NFATC3: variants seen among roughly 807,000 people sequenced by gnomAD.
NFATC3 encodes nuclear factor of activated T-cells, cytoplasmic 3.
A neutral mutation model predicts 98.6 loss-of-function variants in NFATC3; 46 were observed. The observed-to-expected ratio is 0.47, with a 90% CI of 0.37 to 0.60. The LOEUF is 0.60. NFATC3 is among the 20% of genes least tolerant of loss of function. The pLI is 0.00. For missense variants in NFATC3, 1,256 were observed against 1,295.5 expected (o/e 0.97, Z 0.47); for synonymous variants, 512 against 472.2 (o/e 1.08, Z -1.09).
chr16:68,152,956 A>G (rs1449464388), intron 3 of NFATC3, among the ~76,000 whole-genome samples: 1 of 152,198 alleles, frequency 6.6e-6, no homozygotes, highest in Non-Finnish European at 1.5e-5. Flanking sequence ...TTAAAACTCA[A>G]TAGTGTTTCA....
chr16:68,206,492 C>G (rs2041149785), intron 9 of NFATC3, among the ~76,000 whole-genome samples: 1 of 152,150 alleles, frequency 6.6e-6, no homozygotes, highest in African/African-American at 2.4e-5. Context: ...TGGGATTACA[C>G]AATGTTTTTC....
intron 3 of NFATC3, among the ~76,000 whole-genome samples, chr16:68,146,039 T>G (rs1176761502): frequency 2.0e-5 from 3 of 151,964 alleles, no homozygotes; most frequent in Admixed American, 1.3e-4. Context: ...GTGTCTTAGA[T>G]TTTGGATTTT....
At chr16:68,187,712 T>G (rs1479404339) in intron 8 of NFATC3, among the ~76,000 whole-genome samples, 2 of 152,130 alleles carry the variant, frequency 1.3e-5, no homozygotes, top group East Asian at 3.9e-4. Context: ...TTTTCTCTTT[T>G]TGAGTATGGA....
intron 1 of NFATC3, among the ~76,000 whole-genome samples, chr16:68,111,237 C>G (rs1418490142): frequency 6.6e-6 from 1 of 152,078 alleles, no homozygotes; most frequent in African/African-American, 2.4e-5. Context: ...AAGTCTCCCA[C>G]TATTGTTGTG....
intron 4 of NFATC3, 81 bp downstream of exon 4, chr16:68,158,149 A>G: frequency 1.2e-6 from 1 of 831,398 alleles, no homozygotes; most frequent in Non-Finnish European, 1.8e-6. Flanking sequence ...TTTTGAATAT[A>G]AATATAAAAT....
At chr16:68,126,666 C>G in intron 3 of NFATC3, 56 bp downstream of exon 3, 1 of 1,566,434 alleles carries the variant, frequency 6.4e-7, no homozygotes, top group Admixed American at 1.7e-5. Flanking sequence ...GATGATTAGA[C>G]AAGTCTATTC....
chr16:68,112,781 CCCGA>C (rs1332155288), intron 1 of NFATC3, among the ~76,000 whole-genome samples: 1 of 151,090 alleles, frequency 6.6e-6, no homozygotes, highest in Non-Finnish European at 1.5e-5. Flanking sequence ...GCCTCAGCCT[CCCGA>C]CATTTTTTTT....
At chr16:68,140,209 C>T (rs1017940265) in intron 3 of NFATC3, among the ~76,000 whole-genome samples, 9 of 151,980 alleles carry the variant, frequency 5.9e-5, no homozygotes, top group Non-Finnish European at 1.0e-4. Flanking sequence ...CATGGTGGTC[C>T]GGCTGGTCTC....
intron 7 of NFATC3, among the ~76,000 whole-genome samples, chr16:68,181,863 G>C (rs913801711): frequency 1.3e-5 from 2 of 152,180 alleles, no homozygotes; most frequent in Admixed American, 6.5e-5. Context: ...GGAGGTCAAG[G>C]CTGCAGTGAG....
intron 1 of NFATC3, among the ~76,000 whole-genome samples, chr16:68,105,382 C>G (rs998625874): frequency 1.3e-5 from 2 of 151,992 alleles, no homozygotes; most frequent in African/African-American, 4.8e-5. Flanking sequence ...ACACCCGGCC[C>G]CTGATTGTGT....
chr16:68,106,377 C>A (rs541928975), intron 1 of NFATC3, among the ~76,000 whole-genome samples: 1 of 151,824 alleles, frequency 6.6e-6, no homozygotes, highest in South Asian at 2.1e-4. Context: ...ACTGCACCTC[C>A]ACCTCCTGGG....
chr16:68,135,957 G>A (rs1004906211), intron 3 of NFATC3, among the ~76,000 whole-genome samples: 2 of 151,984 alleles, frequency 1.3e-5, no homozygotes, highest in African/African-American at 4.8e-5. Context: ...CAGCTACTCA[G>A]GAGGCTAAGG....
At chr16:68,086,659 T>C (rs1472180260) in intron 1 of NFATC3, 1 of 985,310 alleles carries the variant, frequency 1.0e-6, no homozygotes, top group African/African-American at 1.7e-5. Context: ...AAAAAGGAAA[T>C]GGATAAGAGT....
At chr16:68,138,837 CA>C in intron 3 of NFATC3, 1 of 1,189,782 alleles carries the variant, frequency 8.4e-7, no homozygotes, top group South Asian at 1.5e-5. Context: ...AGGAATAAAT[CA>C]TGGCTAAGTC....
rs376813605 is a variant in NFATC3, at chr16:68,203,857, C to T, written c.3106+12082C>T. On this transcript the variant is annotated intron_variant, in intron 9 of 9. Coordinates refer to ENST00000346183, the MANE Select transcript of NFATC3 (RefSeq NM_173165.3). ...TTTGACATCAGGAGTTCAAGACCAG[C>T]TTAACCAACATGGTGAAACTTCGTC... Among the ~76,000 whole-genome samples the T allele has an allele frequency of 1.7e-3, 255 of 152,126 alleles. 9 individuals carry two copies. In the South Asian group the frequency reaches 0.051, roughly 30 times the overall value.
intron 9 of NFATC3, among the ~76,000 whole-genome samples, chr16:68,196,860 G>A (rs181725966): frequency 4.6e-5 from 7 of 151,804 alleles, no homozygotes; most frequent in South Asian, 2.1e-4. Flanking sequence ...GAGAAACCCC[G>A]TCTCTACCAA....
Position 68,197,025 on chromosome 16 carries a change from C to T in NFATC3, c.3106+5250C>T, listed in dbSNP as rs1567545312. On this transcript the variant is annotated intron_variant, in intron 9 of 9. Coordinates refer to ENST00000346183, the MANE Select transcript of NFATC3 (RefSeq NM_173165.3). ...AGCCTGGGCAACAAGAGTGAAAGTCCATCTCAAGAAAATAAATAAATAAAT... is the reference window on the plus strand; with the variant it reads ...AGCCTGGGCAACAAGAGTGAAAGTCTATCTCAAGAAAATAAATAAATAAAT... Among the ~76,000 whole-genome samples the T allele has an allele frequency of 3.3e-5, 5 of 151,864 alleles. No homozygotes were observed. In the South Asian group the frequency reaches 1.0e-3, roughly 31 times the overall value.
At chr16:68,158,273 C>A (rs1252232824) in intron 4 of NFATC3, among the ~76,000 whole-genome samples, 1 of 152,020 alleles carries the variant, frequency 6.6e-6, no homozygotes, top group African/African-American at 2.4e-5. Flanking sequence ...CTATATATTA[C>A]CAGCCAAGCC....
At chr16:68,197,542 G>A (rs1050861529) in intron 9 of NFATC3, among the ~76,000 whole-genome samples, 2 of 152,220 alleles carry the variant, frequency 1.3e-5, no homozygotes, top group African/African-American at 4.8e-5. Context: ...GATCACTTGA[G>A]CCTAGTTTGA....
Sources: gnomAD v4.1 joint callset for allele counts (sites outside exome capture counted in the v4.1 genomes callset) on GRCh38, gnomAD v4.1.1 for gene constraint, MANE v1.5 for transcripts, NCBI Gene and HGNC (gene_info 2026-07-23, HGNC 2026-07-21) for gene names.